The following UGT1A7 variants were observed in gnomAD, a reference collection of about 807,000 sequenced individuals.
The protein encoded by UGT1A7 is UDP-glucuronosyltransferase 1A7.
UGT1A7 carries 33 observed loss-of-function variants against 45.6 expected under a neutral mutation model. That is an observed-to-expected ratio of 0.72 (90% CI 0.55 to 0.97). The LOEUF (loss-of-function observed/expected upper bound fraction) is 0.97. Among genes scored for constraint, UGT1A7 ranks in the 50% least tolerant of loss-of-function variants. UGT1A7 has a pLI of 0.00. For synonymous variants in UGT1A7, 274 were observed against 250.6 expected (o/e 1.09, Z -0.88); for missense variants, 684 against 666.2 (o/e 1.03, Z -0.29).
intron 1 of UGT1A7, among the ~76,000 whole-genome samples, chr2:233,737,176 C>T (rs550268517): frequency 9.8e-5 from 15 of 152,314 alleles, no homozygotes; most frequent in African/African-American, 2.9e-4. Context: ...GAGTCTATAG[C>T]GGCAGTAGCC....
chr2:233,723,423 T>C (rs948656424), intron 1 of UGT1A7, among the ~76,000 whole-genome samples: 4 of 135,658 alleles, frequency 2.9e-5, no homozygotes, highest in African/African-American at 8.8e-5. Flanking sequence ...CTGGTCAGGC[T>C]GGTCTCGAAC....
In UGT1A7 at chr2:233,693,735, T is replaced by A. The variant is rs375588110; in HGVS notation, c.855+10943T>A. 4.6e-5 allele frequency: 74 copies of A among 1,614,106 alleles called. No individual in the cohort carries two copies. The highest frequency in any genetic ancestry group is 3.3e-5 in the South Asian group (3 of 91,090). ...GTCCTCAAGAGAGATGTGGATATAA[T>A]CACCTTATATCAGAAGGTCTCTGTT... is the stretch of plus-strand genomic sequence containing the variant. On this transcript the variant is annotated intron_variant, in intron 1 of 4. Transcript: ENST00000373426.
chr2:233,719,848 T>G (rs1575529888), intron 1 of UGT1A7, among the ~76,000 whole-genome samples: 1 of 152,206 alleles, frequency 6.6e-6, no homozygotes, highest in Non-Finnish European at 1.5e-5. Context: ...TATTTCAAGT[T>G]TTCAGTGGTC....
In UGT1A7 at chr2:233,747,787, C is replaced by T. The variant is rs1693777925; in HGVS notation, c.856-19247C>T. On this transcript the variant is annotated intron_variant, in intron 1 of 4. Coordinates refer to ENST00000373426, the MANE Select transcript of UGT1A7 (RefSeq NM_019077.3). ...GGCACACAGTGTCCAAATCCTTCCTCCTATATTCCTAAGTTACTAACGACC... is the reference window on the plus strand; with the variant it reads ...GGCACACAGTGTCCAAATCCTTCCTTCTATATTCCTAAGTTACTAACGACC... The T allele has an allele frequency of 6.8e-6, 11 of 1,613,400 alleles. No homozygotes were observed. The South Asian group carries it at 1.2e-4, about 18-fold the overall frequency.
At chr2:233,705,367 T>C (rs1178136392) in intron 1 of UGT1A7, among the ~76,000 whole-genome samples, 3 of 152,240 alleles carry the variant, frequency 2.0e-5, no homozygotes, top group African/African-American at 7.2e-5. Flanking sequence ...GTTTTGCTTT[T>C]ATTTTGTTTG....
chr2:233,719,667 A>G, intron 1 of UGT1A7: 1 of 1,614,118 alleles, frequency 6.2e-7, no homozygotes, highest in South Asian at 1.1e-5. Flanking sequence ...CAACTGTGCC[A>G]ACGGGAAGCC....
intron 1 of UGT1A7, chr2:233,743,023 A>G (rs574856700): frequency 4.1e-6 from 1 of 244,096 alleles, no homozygotes; most frequent in East Asian, 1.0e-4. Context: ...CGATTGAAAG[A>G]CAAACAGAGG....
Position 233,727,426 on chromosome 2 carries a change from C to G in UGT1A7, c.856-39608C>G, listed in dbSNP as rs186038062. On this transcript the variant is annotated intron_variant, in intron 1 of 4. Coordinates refer to ENST00000373426, the MANE Select transcript of UGT1A7 (RefSeq NM_019077.3). ...TGGGCCTCCTCAGGGTCTGGGAGTCCCAGACATGTGACAAGAAATCAGATG... is the reference window on the plus strand; with the variant it reads ...TGGGCCTCCTCAGGGTCTGGGAGTCGCAGACATGTGACAAGAAATCAGATG... 2.0e-5 allele frequency among the ~76,000 whole-genome samples: 3 copies of G among 152,090 alleles called. No homozygotes were observed. In the South Asian group the frequency reaches 6.2e-4, roughly 32 times the overall value.
At chr2:233,747,683 T>C (rs1401123315) in intron 1 of UGT1A7, 4 of 1,608,556 alleles carry the variant, frequency 2.5e-6, no homozygotes, top group Middle Eastern at 1.7e-4. Flanking sequence ...TTTACCTCTG[T>C]GGGGCAGTGC....
intron 1 of UGT1A7, chr2:233,691,346 T>C (rs2075039173): frequency 1.0e-6 from 1 of 985,522 alleles, no homozygotes; most frequent in Non-Finnish European, 1.2e-6. Flanking sequence ...AGTCTTCGCA[T>C]GCCTTGAACA....
At chr2:233,734,436 C>G (rs1368482825) in intron 1 of UGT1A7, among the ~76,000 whole-genome samples, 2 of 151,658 alleles carry the variant, frequency 1.3e-5, no homozygotes, top group Admixed American at 1.3e-4. Context: ...TTAGTCTTGC[C>G]AGAGGTCTAT....
chr2:233,765,491 C>T (rs1438228783), intron 1 of UGT1A7, among the ~76,000 whole-genome samples: 1 of 152,094 alleles, frequency 6.6e-6, no homozygotes, highest in African/African-American at 2.4e-5. Flanking sequence ...TCATCCTCCA[C>T]AAACTAACAC....
intron 1 of UGT1A7, chr2:233,693,996 G>T: frequency 6.6e-7 from 1 of 1,508,252 alleles, no homozygotes; most frequent in African/African-American, 1.4e-5. Context: ...GTGATACCCG[G>T]CTCGGAGCAG....
chr2:233,761,904 G>A (rs887991064), intron 1 of UGT1A7, among the ~76,000 whole-genome samples: 2 of 152,234 alleles, frequency 1.3e-5, no homozygotes, highest in Non-Finnish European at 2.9e-5. Context: ...AAGATTGGCT[G>A]AGGATCTACT....
At chr2:233,712,795 G>C (rs551571775) in intron 1 of UGT1A7, among the ~76,000 whole-genome samples, 3 of 152,166 alleles carry the variant, frequency 2.0e-5, no homozygotes, top group Non-Finnish European at 2.9e-5. Flanking sequence ...AGGAGTGATC[G>C]GTCTTTCCCA....
chr2:233,749,951 T>C (rs566356604), intron 1 of UGT1A7, among the ~76,000 whole-genome samples: 1 of 151,998 alleles, frequency 6.6e-6, no homozygotes, highest in South Asian at 2.1e-4. Context: ...AATTACCGAG[T>C]CTTGGGTATG....
intron 1 of UGT1A7, among the ~76,000 whole-genome samples, chr2:233,684,688 G>A (rs576173174): frequency 6.6e-6 from 1 of 152,146 alleles, no homozygotes; most frequent in South Asian, 2.1e-4. Context: ...AGGATTTATA[G>A]ATGTGGAAGG....
At chr2:233,689,905 G>T (rs1008501237) in intron 1 of UGT1A7, 14 of 456,562 alleles carry the variant, frequency 3.1e-5, no homozygotes, top group Admixed American at 2.6e-4. Flanking sequence ...TCAGGGCCAG[G>T]TAGGTGCCTG....
At position 233,682,480 on chromosome 2, in the gene UGT1A7, A is replaced by C. The variant is rs200477397; in HGVS notation, c.543A>C (p.Ala181=). The C allele has an allele frequency of 1.8e-5, 29 of 1,613,824 alleles. No homozygotes were observed. Among genetic ancestry groups the C allele is most frequent in the Non-Finnish European group, 2.4e-5 (28 of 1,179,872 alleles). The change falls in exon 1 of 5, where the codon GCA becomes GCC. Residue 181 remains alanine (A), a synonymous_variant. Coordinates refer to ENST00000373426, the MANE Select transcript of UGT1A7 (RefSeq NM_019077.3). The part of the protein sequence containing the change: ...GIFCHYLEEG[A]QCPAPLSYVP... ...TTTGCCACTATCTTGAAGAAGGTGC[A>C]CAGTGCCCTGCTCCTCTTTCCTATG...
Sources: gnomAD v4.1 joint callset for allele counts (sites outside exome capture counted in the v4.1 genomes callset) on GRCh38, gnomAD v4.1.1 for gene constraint, MANE v1.5 for transcripts, NCBI Gene and HGNC (gene_info 2026-07-23, HGNC 2026-07-21) for gene names.